The following SPTBN4 variants were observed in gnomAD, a reference collection of about 807,000 sequenced individuals.
The protein encoded by SPTBN4 is spectrin beta chain, non-erythrocytic 4.
A neutral mutation model predicts 277.8 loss-of-function variants in SPTBN4; 96 were observed. The observed-to-expected ratio is 0.35, with a 90% confidence interval of 0.29 to 0.41. The LOEUF is 0.41. Among genes scored for constraint, SPTBN4 ranks in the 10% least tolerant of loss-of-function variants. SPTBN4 has a pLI of 1.00. For missense variants in SPTBN4, 3,006 were observed against 3,595.7 expected (o/e 0.84, Z 4.19); for synonymous variants, 1,481 against 1,580.3 (o/e 0.94, Z 1.49).
intron 16 of SPTBN4, 141 bp downstream of exon 16, chr19:40,520,292 T>A: frequency 5.6e-6 from 5 of 900,068 alleles, no homozygotes; most frequent in Non-Finnish European, 7.5e-6. Flanking sequence ...TGAGAGAGTA[T>A]CCGGAATGGA....
intron 18 of SPTBN4, among the ~76,000 whole-genome samples, chr19:40,530,176 G>A (rs1438539884): frequency 6.6e-6 from 1 of 152,086 alleles, no homozygotes; most frequent in Non-Finnish European, 1.5e-5. Context: ...AGATGGTTCA[G>A]GAGGCCCCCA....
Position 40,575,551 on chromosome 19 carries a change from C to G in SPTBN4, c.7677C>G (p.Ala2559=). The G allele has an allele frequency of 1.9e-6, 3 of 1,610,934 alleles. No individual in the cohort carries two copies. Among genetic ancestry groups the G allele is most frequent in the Non-Finnish European group, 1.7e-6 (2 of 1,179,024 alleles). Residue 2559 remains alanine, a synonymous_variant, in exon 36 of 36, where the codon GCC becomes GCG. Coordinates refer to ENST00000598249, the MANE Select transcript of SPTBN4 (RefSeq NM_020971.3). ...AGAGGGAAGGCGGAGATCGCAGGGC[C>G]AGCGGGCGCAGGAAGTGACTTCCCA... The part of the protein sequence containing the change: ...NPKREGGDRR[A]SGRRK
rs961524328 is a variant in SPTBN4, at chr19:40,490,988, G to A, written c.495+740G>A. Among the ~76,000 whole-genome samples, 3 of 152,076 alleles carry A rather than the reference G, an allele frequency of 2.0e-5. No individual in the cohort carries two copies. The highest frequency in any genetic ancestry group is 4.4e-5 in the Non-Finnish European group (3 of 68,022). ...GCCCAGCAGTGTGAGGCTGCCGTGA[G>A]CTATGATCATGCCACTGCACTCCAG... On this transcript the variant is annotated intron_variant, in intron 4 of 35. Transcript: ENST00000598249. The surrounding 1 kb of genome is among the most constrained non-coding windows in gnomAD (Gnocchi z 4.3).
chr19:40,547,313 A>T (rs1245656698), intron 20 of SPTBN4, among the ~76,000 whole-genome samples: 2 of 151,674 alleles, frequency 1.3e-5, no homozygotes, highest in Non-Finnish European at 2.9e-5. Flanking sequence ...GTTTGCTCAG[A>T]ATGATGGTTT....
At chr19:40,539,937 T>TC (rs1006995454) in intron 20 of SPTBN4, among the ~76,000 whole-genome samples, 7 of 151,752 alleles carry the variant, frequency 4.6e-5, no homozygotes, top group African/African-American at 1.7e-4. Context: ...TTAATTTTTT[T>TC]TTTTTTAGAC....
intron 20 of SPTBN4, among the ~76,000 whole-genome samples, chr19:40,542,788 C>A (rs2080816466): frequency 6.6e-6 from 1 of 151,752 alleles, no homozygotes; most frequent in Non-Finnish European, 1.5e-5. Context: ...CCCATCCTTT[C>A]TTTCTTTCCT....
Position 40,575,816 on chromosome 19 carries a change from T to C in SPTBN4, c.*247T>C, listed in dbSNP as rs2081197305. The C allele has an allele frequency of 2.7e-6, 1 of 369,936 alleles. No individual in the cohort carries two copies. The highest frequency in any genetic ancestry group is 4.6e-5 in the Admixed American group (1 of 21,934). The allele number at this position is 369,936 out of a possible 1,614,324, so 22.9% of individuals were successfully genotyped here. On this transcript the variant is annotated 3_prime_UTR_variant, in exon 36 of 36. Coordinates refer to ENST00000598249, the MANE Select transcript of SPTBN4 (RefSeq NM_020971.3). The stretch of plus-strand genomic sequence containing the variant: ...CCCACCCCAGGTGCTGGGGGTCCCT[T>C]ATTTTTATGCAATAACTGAGCTTGA...
intron 1 of SPTBN4, among the ~76,000 whole-genome samples, chr19:40,472,360 A>G (rs939950406): frequency 4.0e-5 from 6 of 150,514 alleles, no homozygotes; most frequent in African/African-American, 1.5e-4. Context: ...TTATTTTTAT[A>G]GAGATGAAAT....
At chr19:40,562,822 G>A (rs948239369) in intron 27 of SPTBN4, among the ~76,000 whole-genome samples, 1 of 149,332 alleles carries the variant, frequency 6.7e-6, no homozygotes, top group Non-Finnish European at 1.5e-5. Context: ...CAACAAGAGC[G>A]AAATTCCATC....
intron 20 of SPTBN4, among the ~76,000 whole-genome samples, chr19:40,546,074 A>G (rs1377906119): frequency 1.3e-5 from 2 of 150,536 alleles, no homozygotes; most frequent in Non-Finnish European, 3.0e-5. Context: ...AAAAAATCAA[A>G]ATTAACCGGG....
chr19:40,560,662 T>TG lies in SPTBN4; in HGVS notation c.5915+260dup. 7.0e-7 allele frequency: 1 copy of TG among 1,426,732 alleles called. No homozygotes were observed. The highest frequency in any genetic ancestry group is 9.1e-7 in the Non-Finnish European group (1 of 1,093,870). The allele number at this position is 1,426,732 out of a possible 1,614,324, so 88.4% of individuals were successfully genotyped here. On this transcript the variant is annotated intron_variant, in intron 27 of 35. Transcript: ENST00000598249. The surrounding 1 kb of genome is among the most constrained non-coding windows in gnomAD (Gnocchi z 5.2). ...GCCTATTATTACCCTCTCCATGGGA[T>TG]GTCACAGCATGAAACAGGCTAAAGA...
chr19:40,524,515 A>C (rs1179905301), intron 17 of SPTBN4: 5 of 448,848 alleles, frequency 1.1e-5, no homozygotes, highest in Admixed American at 2.4e-5. Context: ...CCCCCTCCAA[A>C]AAAAAAATGT....
At chr19:40,549,651 C>G (rs2080896031) in intron 21 of SPTBN4, among the ~76,000 whole-genome samples, 1 of 152,190 alleles carries the variant, frequency 6.6e-6, no homozygotes. Flanking sequence ...TTGTTCTTTC[C>G]TCCACTCATT....
intron 13 of SPTBN4, among the ~76,000 whole-genome samples, chr19:40,510,172 C>T (rs751170410): frequency 1.6e-4 from 24 of 152,132 alleles, no homozygotes; most frequent in Non-Finnish European, 3.1e-4. Flanking sequence ...AATCCTTCCC[C>T]TCTCTGAGGC....
chr19:40,506,452 A>T (rs1042556531), intron 13 of SPTBN4, 66 bp downstream of exon 13: 13 of 1,537,360 alleles, frequency 8.5e-6, no homozygotes, highest in Middle Eastern at 1.7e-4. Flanking sequence ...AATAGAGGCA[A>T]GAGTGACTCC....
In SPTBN4 at chr19:40,568,172, C is replaced by T. The variant is rs757124466; in HGVS notation, c.6846C>T (p.Thr2282=). Residue 2282 remains threonine, a synonymous_variant, in exon 31 of 36, where the codon ACC becomes ACT. Transcript: ENST00000598249. The part of the protein sequence containing the change: ...SAEHEAAHSL[T]LGRYEQMERR... ...AGCACGAGGCGGCACACAGCCTTAC[C>T]CTGGGCCGCTATGAGCAGATGGAGC... 8.2e-6 allele frequency: 13 copies of T among 1,587,424 alleles called. 1 individual carries two copies. The East Asian group carries it at 2.1e-4, about 25-fold the overall frequency.
chr19:40,471,950 G>A (rs1397810263), intron 1 of SPTBN4, among the ~76,000 whole-genome samples: 1 of 123,124 alleles, frequency 8.1e-6, no homozygotes, highest in Non-Finnish European at 1.7e-5. Flanking sequence ...CGCTTTTGTT[G>A]CCCAGGCTGG....
intron 18 of SPTBN4, chr19:40,530,521 G>C: frequency 2.0e-6 from 2 of 980,342 alleles, no homozygotes; most frequent in Non-Finnish European, 2.4e-6. Flanking sequence ...TGCCGCTGCC[G>C]TCGCAGTTGA....
At chr19:40,503,427 G>A (rs1237979812) in intron 11 of SPTBN4, among the ~76,000 whole-genome samples, 1 of 149,838 alleles carries the variant, frequency 6.7e-6, no homozygotes, top group Non-Finnish European at 1.5e-5. Context: ...CTGGGGAAAC[G>A]GGAAGGTGGG....
Sources: allele counts gnomAD v4.1 joint callset (sites outside exome capture counted in the v4.1 genomes callset), GRCh38; gene constraint gnomAD v4.1.1; non-coding constraint Gnocchi (gnomAD v3.1); transcripts MANE v1.5; gene names NCBI Gene and HGNC (gene_info 2026-07-23, HGNC 2026-07-21).